The following SMG6 variants were observed in gnomAD, a reference collection of about 807,000 sequenced individuals.
The protein encoded by SMG6 is SMG6 nonsense mediated mRNA decay factor, also known as telomerase-binding protein EST1A.
A neutral mutation model predicts 142.2 loss-of-function variants in SMG6; 66 were observed. The ratio of observed to expected loss-of-function variants is 0.46; its 90% CI spans 0.38 to 0.57. SMG6 has a LOEUF of 0.57. SMG6 is among the 20% of genes least tolerant of loss of function. SMG6 has a pLI of 0.00. For missense variants in SMG6, 1,793 were observed against 1,832.0 expected, an observed-to-expected ratio of 0.98 and a Z score of 0.39; for synonymous variants, 779 against 702.4, an observed-to-expected ratio of 1.11 and a Z score of -1.72.
At chr17:2,069,038 T>G in intron 15 of SMG6, 107 bp from the exon 16 acceptor site, 10 of 1,116,916 alleles carry the variant, frequency 9.0e-6, no homozygotes, top group Non-Finnish European at 1.3e-5. Flanking sequence ...TAGGAACCTC[T>G]TCCCCTCCAC....
chr17:2,251,329 G>A (rs1014791357), intron 8 of SMG6, among the ~76,000 whole-genome samples: 3 of 151,490 alleles, frequency 2.0e-5, no homozygotes, highest in African/African-American at 7.3e-5. Context: ...GTAGGAAGAT[G>A]TAGCAAATCA....
chr17:2,205,299 C>A (rs2072645445), intron 10 of SMG6, among the ~76,000 whole-genome samples: 1 of 152,096 alleles, frequency 6.6e-6, no homozygotes, highest in African/African-American at 2.4e-5. Context: ...GAACCCCTGA[C>A]CTCAAGTGAT....
At chr17:2,100,247 A>C (rs754037761) in intron 13 of SMG6, among the ~76,000 whole-genome samples, 18 of 152,228 alleles carry the variant, frequency 1.2e-4, no homozygotes, top group Non-Finnish European at 1.2e-4. Context: ...CATGTTGGCC[A>C]GGCTAGTCTC....
At chr17:2,249,144 T>C (rs185147184) in intron 8 of SMG6, among the ~76,000 whole-genome samples, 74 of 152,054 alleles carry the variant, frequency 4.9e-4, no homozygotes, top group Admixed American at 5.9e-4. Flanking sequence ...CCGCCCGCCT[T>C]GGCCTCCCAA....
At chr17:2,185,189 T>C (rs1320132334) in intron 12 of SMG6, among the ~76,000 whole-genome samples, 3 of 151,906 alleles carry the variant, frequency 2.0e-5, no homozygotes, top group Non-Finnish European at 4.4e-5. Flanking sequence ...CACAGTTGGA[T>C]GGATGCACAT....
At chr17:2,227,524 CA>C (rs1226161222) in intron 10 of SMG6, among the ~76,000 whole-genome samples, 96 of 152,278 alleles carry the variant, frequency 6.3e-4, no homozygotes, top group African/African-American at 2.2e-3. Context: ...CTAGAAAAGA[CA>C]AATCTAACAT....
intron 6 of SMG6, among the ~76,000 whole-genome samples, chr17:2,286,923 ATTT>A (rs59503723): frequency 4.1e-4 from 46 of 111,456 alleles, no homozygotes; most frequent in African/African-American, 1.5e-3. Flanking sequence ...ACATAAAATA[ATTT>A]TTTTTTTTTT....
At chr17:2,218,221 T>C (rs1376295433) in intron 10 of SMG6, among the ~76,000 whole-genome samples, 2 of 152,024 alleles carry the variant, frequency 1.3e-5, no homozygotes, top group Non-Finnish European at 2.9e-5. Flanking sequence ...CATTCTGTTA[T>C]GGTGCAGACA....
At chr17:2,143,495 T>G (rs1024749978) in intron 13 of SMG6, among the ~76,000 whole-genome samples, 3 of 152,114 alleles carry the variant, frequency 2.0e-5, no homozygotes, top group Non-Finnish European at 2.9e-5. Context: ...CATAATTATA[T>G]GATCCCATTC....
intron 8 of SMG6, among the ~76,000 whole-genome samples, chr17:2,270,556 G>T (rs965555891): frequency 6.6e-6 from 1 of 152,060 alleles, no homozygotes; most frequent in African/African-American, 2.4e-5. Context: ...TTCAGTGAGC[G>T]ATGATCATGC....
chr17:2,199,303 G>A (rs2072437647), intron 10 of SMG6, among the ~76,000 whole-genome samples: 1 of 152,136 alleles, frequency 6.6e-6, no homozygotes, highest in Admixed American at 6.6e-5. Context: ...GGCATTTTTG[G>A]TGTTGCTTTG....
At chr17:2,075,088 G>A (rs555075086) in intron 15 of SMG6, among the ~76,000 whole-genome samples, 1 of 152,318 alleles carries the variant, frequency 6.6e-6, no homozygotes, top group African/African-American at 2.4e-5. Flanking sequence ...ACGTGCCCCC[G>A]GCCTGGTGCT....
At position 2,060,617 on chromosome 17, in the gene SMG6, A is replaced by G. The variant is rs986839150; in HGVS notation, c.*875T>C. On this transcript the variant is annotated 3_prime_UTR_variant, in exon 19 of 19. Coordinates refer to ENST00000263073, the MANE Select transcript of SMG6 (RefSeq NM_017575.5). ...AGAAGGGGAAGAAGGGTGAGGGGCT[A>G]TTCTGGAGGGAGGGTAGGCGGGCAA... is the stretch of plus-strand genomic sequence containing the variant. 6.6e-6 allele frequency: 1 copy of G among 152,314 alleles called. No individual in the cohort carries two copies. Among genetic ancestry groups the G allele is most frequent in the African/African-American group, 2.4e-5 (1 of 41,376 alleles). 9.4% of individuals were successfully genotyped at this position (152,314 alleles called of 1,614,324 possible). A position where few individuals can be genotyped will look rare whatever the true frequency, so the allele number is the denominator to read the frequency against.
chr17:2,110,547 G>A (rs1189393295), intron 13 of SMG6, among the ~76,000 whole-genome samples: 2 of 152,070 alleles, frequency 1.3e-5, no homozygotes, highest in Non-Finnish European at 2.9e-5. Flanking sequence ...CAAATACTAA[G>A]GATCATCAAC....
At chr17:2,187,809 G>A (rs985525327) in intron 11 of SMG6, among the ~76,000 whole-genome samples, 4 of 151,794 alleles carry the variant, frequency 2.6e-5, no homozygotes. Context: ...TGGGGTGACA[G>A]TGGGGTCTCA....
intron 4 of SMG6, among the ~76,000 whole-genome samples, chr17:2,296,128 T>C (rs1283464632): frequency 6.6e-6 from 1 of 152,156 alleles, no homozygotes; most frequent in South Asian, 2.1e-4. Context: ...CAATTAATGG[T>C]TCCCCAGTGC....
chr17:2,112,871 C>T (rs894671305), intron 13 of SMG6, among the ~76,000 whole-genome samples: 2 of 150,490 alleles, frequency 1.3e-5, no homozygotes, highest in Non-Finnish European at 1.5e-5. Flanking sequence ...AATCCCCCTG[C>T]CTCAGCCTCC....
At chr17:2,260,504 C>T (rs761135885) in intron 8 of SMG6, among the ~76,000 whole-genome samples, 9 of 152,218 alleles carry the variant, frequency 5.9e-5, no homozygotes, top group Non-Finnish European at 1.2e-4. Flanking sequence ...AAAGCAAACA[C>T]CTCAAATCTT....
intron 13 of SMG6, among the ~76,000 whole-genome samples, chr17:2,132,081 GA>G (rs895934349): frequency 4.1e-5 from 6 of 145,300 alleles, no homozygotes; most frequent in Non-Finnish European, 6.1e-5. Flanking sequence ...TCCAAAAAAA[GA>G]AAAAAAAAAG....
Sources: allele counts gnomAD v4.1 joint callset (sites outside exome capture counted in the v4.1 genomes callset), GRCh38; gene constraint gnomAD v4.1.1; transcripts MANE v1.5; gene names NCBI Gene and HGNC (gene_info 2026-07-23, HGNC 2026-07-21).